The following PXDNL variants were observed in gnomAD, a reference collection of about 807,000 sequenced individuals.
The protein encoded by PXDNL is peroxidasin like.
A neutral mutation model predicts 150.8 loss-of-function variants in PXDNL; 145 were observed. The observed-to-expected ratio is 0.96, with a 90% CI of 0.84 to 1.10. PXDNL has a LOEUF of 1.10. PXDNL is among the 50% of genes least tolerant of loss of function. The pLI, the probability that PXDNL is intolerant of heterozygous loss-of-function variation, is 0.00. For synonymous variants in PXDNL, 757 were observed against 725.7 expected (o/e 1.04, Z -0.69); for missense variants, 2,087 against 1,873.9 (o/e 1.11, Z -2.10).
In PXDNL at chr8:51,409,071, G is replaced by C; in HGVS notation, c.2553C>G (p.Asp851Glu). ...PCFPMNTRHA[D>E]PRGTHAPCML... ...TGCAGGGCGCGTGGGTGCCCCGGGG[G>C]TCGGCGTGCCGGGTGTTCATGGGGA... Residue 851 changes from aspartate (D) to glutamate (E), a missense_variant, in exon 17 of 23, where the codon GAC (aspartate) becomes GAG (glutamate). Asp to Glu is a conservative substitution (Grantham distance 45, BLOSUM62 2). Coordinates refer to ENST00000356297, the MANE Select transcript of PXDNL (RefSeq NM_144651.5). 1 of 1,609,682 alleles carries C rather than the reference G, an allele frequency of 6.2e-7. No individual in the cohort carries two copies.
rs568453215 is a variant in PXDNL, at chr8:51,480,305, G to C, written c.524+3338C>G. Reference sequence around the variant, plus strand: ...TAATTGGCTCATGGTTCTGTAGACTGTACAGGAAGCATAGTGCCAGCATTA... The same window carrying C: ...TAATTGGCTCATGGTTCTGTAGACTCTACAGGAAGCATAGTGCCAGCATTA... On this transcript the variant is annotated intron_variant, in intron 6 of 22. Coordinates refer to ENST00000356297, the MANE Select transcript of PXDNL (RefSeq NM_144651.5). 2.0e-4 allele frequency among the ~76,000 whole-genome samples: 30 copies of C among 152,268 alleles called. 1 individual carries two copies. Among genetic ancestry groups the C allele is most frequent in the African/African-American group, 7.0e-4 (29 of 41,558 alleles).
chr8:51,542,274 T>A lies in PXDNL; in HGVS notation c.380+14566A>T, dbSNP rs1812233767. 3.3e-5 allele frequency among the ~76,000 whole-genome samples: 5 copies of A among 152,278 alleles called. No homozygotes were observed. The South Asian group carries it at 1.0e-3, about 32-fold the overall frequency. On this transcript the variant is annotated intron_variant, in intron 4 of 22. Coordinates refer to ENST00000356297, the MANE Select transcript of PXDNL (RefSeq NM_144651.5). ...CTCAGACAAGGTTACCCTGAGACCA[T>A]GATAAAATGGGCCAAAGCAATCCTA... is the stretch of plus-strand genomic sequence containing the variant.
At chr8:51,509,153 A>G (rs542903283) in intron 4 of PXDNL, among the ~76,000 whole-genome samples, 4 of 152,298 alleles carry the variant, frequency 2.6e-5, no homozygotes, top group South Asian at 2.1e-4. Flanking sequence ...ACACAAAACA[A>G]TAAGTGTATG....
intron 8 of PXDNL, among the ~76,000 whole-genome samples, chr8:51,463,384 T>G (rs539172088): frequency 6.7e-4 from 102 of 152,308 alleles, no homozygotes; most frequent in African/African-American, 2.3e-3. Context: ...AACAGACTCA[T>G]CTCACATGTA....
intron 19 of PXDNL, among the ~76,000 whole-genome samples, chr8:51,346,356 A>T (rs907107890): frequency 5.9e-5 from 9 of 152,222 alleles, no homozygotes; most frequent in Admixed American, 2.0e-4. Context: ...TGTCTCAGGC[A>T]CACCTGATAC....
chr8:51,599,538 G>C (rs1279795593), intron 2 of PXDNL, among the ~76,000 whole-genome samples: 1 of 150,162 alleles, frequency 6.7e-6, no homozygotes, highest in Non-Finnish European at 1.5e-5. Flanking sequence ...AAATGAAATT[G>C]ATATATATTT....
At chr8:51,486,111 C>T (rs944925181) in intron 5 of PXDNL, among the ~76,000 whole-genome samples, 1 of 152,032 alleles carries the variant, frequency 6.6e-6, no homozygotes, top group Non-Finnish European at 1.5e-5. Context: ...TTTCTTTAAA[C>T]GTATTTTAGA....
intron 17 of PXDNL, among the ~76,000 whole-genome samples, chr8:51,400,619 T>C (rs1250090384): frequency 6.6e-6 from 1 of 152,218 alleles, no homozygotes; most frequent in African/African-American, 2.4e-5. Context: ...ATTTTTAATA[T>C]GGCCTTGTCA....
At chr8:51,634,133 C>T (rs1398466347) in intron 2 of PXDNL, among the ~76,000 whole-genome samples, 1 of 152,020 alleles carries the variant, frequency 6.6e-6, no homozygotes, top group Non-Finnish European at 1.5e-5. Context: ...ATCTTTAGTG[C>T]AATTTGAGCT....
chr8:51,506,447 A>T (rs922600800), intron 4 of PXDNL, among the ~76,000 whole-genome samples: 2 of 147,380 alleles, frequency 1.4e-5, no homozygotes, highest in Non-Finnish European at 3.0e-5. Context: ...AGGCTGAGGC[A>T]GGAGAATCGC....
At chr8:51,572,658 T>G (rs1812971547) in intron 3 of PXDNL, among the ~76,000 whole-genome samples, 1 of 139,050 alleles carries the variant, frequency 7.2e-6, no homozygotes, top group Non-Finnish European at 1.5e-5. Flanking sequence ...TGAATGTACT[T>G]TATGATACTG....
intron 4 of PXDNL, among the ~76,000 whole-genome samples, chr8:51,542,526 C>T (rs569755549): frequency 6.7e-6 from 1 of 150,036 alleles, no homozygotes; most frequent in African/African-American, 2.5e-5. Flanking sequence ...AGAGAGAAGT[C>T]GACCAGGTGC....
intron 1 of PXDNL, among the ~76,000 whole-genome samples, chr8:51,807,313 G>A (rs1432270643): frequency 1.3e-5 from 2 of 151,160 alleles, no homozygotes; most frequent in South Asian, 2.1e-4. Context: ...GAAGAGAGAC[G>A]CAAGAAGAGC....
intron 19 of PXDNL, among the ~76,000 whole-genome samples, chr8:51,371,476 A>T (rs564999251): frequency 6.6e-6 from 1 of 152,324 alleles, no homozygotes; most frequent in African/African-American, 2.4e-5. Flanking sequence ...GCAACATCTT[A>T]TGAAGAATGG....
intron 17 of PXDNL, among the ~76,000 whole-genome samples, chr8:51,399,976 T>A (rs1808198740): frequency 6.6e-6 from 1 of 152,250 alleles, no homozygotes; most frequent in South Asian, 2.1e-4. Context: ...AAAGATTTCT[T>A]CAGTTGAATA....
At chr8:51,449,852 A>T (rs1291337230) in intron 10 of PXDNL, among the ~76,000 whole-genome samples, 2 of 152,352 alleles carry the variant, frequency 1.3e-5, no homozygotes, top group East Asian at 3.9e-4. Flanking sequence ...TCCAGATCCC[A>T]AAAAAGGATT....
At chr8:51,640,483 G>C (rs151048422) in intron 2 of PXDNL, among the ~76,000 whole-genome samples, 25,628 of 152,126 alleles carry the variant, frequency 0.17, 2,501 homozygotes, top group Non-Finnish European at 0.22. Flanking sequence ...TTCTCCTTAA[G>C]CTGATAAGCA....
chr8:51,757,394 G>A (rs977391623), intron 1 of PXDNL, among the ~76,000 whole-genome samples: 7 of 152,196 alleles, frequency 4.6e-5, no homozygotes, highest in African/African-American at 1.4e-4. Context: ...CTGCACCCGT[G>A]GCTGGTTCTG....
intron 2 of PXDNL, among the ~76,000 whole-genome samples, chr8:51,625,188 C>T (rs866353076): frequency 1.3e-5 from 2 of 152,160 alleles, no homozygotes; most frequent in Middle Eastern, 3.4e-3. Flanking sequence ...GCATAAGTCA[C>T]CCAACATCTG....
Sources: allele counts gnomAD v4.1 joint callset (sites outside exome capture counted in the v4.1 genomes callset), GRCh38; gene constraint gnomAD v4.1.1; transcripts MANE v1.5; gene names NCBI Gene and HGNC (gene_info 2026-07-23, HGNC 2026-07-21).